The following BEND5 variants were observed in gnomAD, a reference collection of about 807,000 sequenced individuals.
The protein encoded by BEND5 is BEN domain containing 5, also known as BEN domain-containing protein 5.
In BEND5, 22 loss-of-function variants were observed where a neutral mutation model predicts 43.9. That is an observed-to-expected ratio of 0.50 (90% CI 0.36 to 0.72). The LOEUF (loss-of-function observed/expected upper bound fraction) is 0.72. BEND5 is among the 30% of genes least tolerant of loss of function. The pLI is 0.00. For missense variants in BEND5, 428 were observed against 550.6 expected, an observed-to-expected ratio of 0.78 and a Z score of 2.23; for synonymous variants, 228 against 225.9, an observed-to-expected ratio of 1.01 and a Z score of -0.08.
chr1:48,744,639 GC>G (rs1212753256), intron 3 of BEND5, among the ~76,000 whole-genome samples: 1 of 152,176 alleles, frequency 6.6e-6, no homozygotes, highest in Non-Finnish European at 1.5e-5. Flanking sequence ...ATCCAGTACA[GC>G]CGTAACTTCA....
chr1:48,755,842 G>C (rs548398103), intron 3 of BEND5, among the ~76,000 whole-genome samples: 1 of 152,154 alleles, frequency 6.6e-6, no homozygotes, highest in South Asian at 2.1e-4. Context: ...AAGTTCCTAG[G>C]CTCAGAAAGC....
chr1:48,738,843 T>C (rs557149218), intron 4 of BEND5, among the ~76,000 whole-genome samples: 3 of 152,238 alleles, frequency 2.0e-5, no homozygotes, highest in African/African-American at 7.2e-5. Context: ...GAACCAGGTA[T>C]TGTACATTCA....
intron 3 of BEND5, among the ~76,000 whole-genome samples, chr1:48,754,323 C>A (rs970027267): frequency 2.0e-5 from 3 of 152,170 alleles, no homozygotes; most frequent in Admixed American, 6.5e-5. Context: ...TGCCAACACC[C>A]GGTTTAAACA....
intron 3 of BEND5, among the ~76,000 whole-genome samples, chr1:48,748,438 A>G (rs1039084829): frequency 6.6e-6 from 1 of 152,224 alleles, no homozygotes; most frequent in African/African-American, 2.4e-5. Flanking sequence ...CAGTGGAAAG[A>G]GACAGGCAGC....
At chr1:48,747,280 G>A (rs1433386108) in intron 3 of BEND5, among the ~76,000 whole-genome samples, 2 of 152,068 alleles carry the variant, frequency 1.3e-5, no homozygotes, top group Non-Finnish European at 2.9e-5. Context: ...ATTTGCATTC[G>A]GATATTGACA....
chr1:48,753,976 A>G (rs1375022313), intron 3 of BEND5, among the ~76,000 whole-genome samples: 2 of 152,288 alleles, frequency 1.3e-5, no homozygotes, highest in Non-Finnish European at 2.9e-5. Flanking sequence ...CACTGCGTAC[A>G]TATTTGTGTT....
At position 48,745,302 on chromosome 1, in the gene BEND5, C is replaced by T. The variant is rs1446487517; in HGVS notation, c.746-2531G>A. ...GGAAGCTGTTCTGAATGTCTGTAAT[C>T]TTTCTTGGAGTCCGAGAAGTAGAAA... On this transcript the variant is annotated intron_variant, in intron 3 of 5. Transcript: ENST00000371833. Among the ~76,000 whole-genome samples the T allele has an allele frequency of 5.9e-5, 9 of 152,274 alleles. No individual in the cohort carries two copies. The East Asian group carries it at 1.4e-3, about 23-fold the overall frequency.
intron 3 of BEND5, among the ~76,000 whole-genome samples, chr1:48,743,245 T>G (rs1390330806): frequency 6.6e-6 from 1 of 152,180 alleles, no homozygotes; most frequent in African/African-American, 2.4e-5. Context: ...CCCCAAGACC[T>G]AGTATCTAGA....
At chr1:48,768,681 C>T (rs886560000) in intron 1 of BEND5, among the ~76,000 whole-genome samples, 2 of 152,150 alleles carry the variant, frequency 1.3e-5, no homozygotes, top group African/African-American at 2.4e-5. Context: ...TTAAAATAAT[C>T]CAATGTCAGA....
intron 3 of BEND5, among the ~76,000 whole-genome samples, chr1:48,746,796 G>A (rs763805185): frequency 3.9e-5 from 6 of 152,188 alleles, no homozygotes; most frequent in Non-Finnish European, 7.3e-5. Context: ...GGCTGCTGAC[G>A]TCTCTGGAAG....
At chr1:48,749,826 G>C (rs1458062888) in intron 3 of BEND5, among the ~76,000 whole-genome samples, 1 of 152,180 alleles carries the variant, frequency 6.6e-6, no homozygotes, top group Admixed American at 6.5e-5. Flanking sequence ...AAATGGCAGG[G>C]TATGTGCAGA....
intron 1 of BEND5, among the ~76,000 whole-genome samples, chr1:48,768,763 G>C (rs1644658701): frequency 6.6e-6 from 1 of 152,118 alleles, no homozygotes; most frequent in South Asian, 2.1e-4. Context: ...GCTTTGTAAA[G>C]GTCTTATAAA....
intron 3 of BEND5, among the ~76,000 whole-genome samples, chr1:48,751,287 T>C (rs1432592213): frequency 6.6e-6 from 1 of 152,082 alleles, no homozygotes; most frequent in African/African-American, 2.4e-5. Flanking sequence ...AGCTCAAGGG[T>C]CCTGCAGTCA....
intron 3 of BEND5, among the ~76,000 whole-genome samples, chr1:48,756,343 A>G (rs1643923748): frequency 6.6e-6 from 1 of 152,094 alleles, no homozygotes; most frequent in South Asian, 2.1e-4. Context: ...ACAGTCCTCT[A>G]TGGTTTTGTC....
chr1:48,743,736 C>T, intron 3 of BEND5, among the ~76,000 whole-genome samples: 1 of 152,182 alleles, frequency 6.6e-6, no homozygotes, highest in South Asian at 2.1e-4. Context: ...ATGTGGACAA[C>T]TGGGTACAAA....
At chr1:48,747,926 C>T (rs557217445) in intron 3 of BEND5, among the ~76,000 whole-genome samples, 29 of 152,122 alleles carry the variant, frequency 1.9e-4, no homozygotes, top group African/African-American at 6.7e-4. Context: ...TTTTTTCTTT[C>T]TTTCTTTTTT....
chr1:48,757,938 C>T (rs1331976463), intron 3 of BEND5, among the ~76,000 whole-genome samples: 1 of 152,146 alleles, frequency 6.6e-6, no homozygotes, highest in Non-Finnish European at 1.5e-5. Flanking sequence ...TCAATATTGA[C>T]TGGGCTCTAT....
chr1:48,742,380 C>T (rs996358786), intron 4 of BEND5, among the ~76,000 whole-genome samples: 1 of 151,276 alleles, frequency 6.6e-6, no homozygotes, highest in African/African-American at 2.4e-5. Context: ...TTTACTTTTA[C>T]AGTTGCTTTG....
Position 48,742,633 on chromosome 1 carries a change from T to C in BEND5, c.884A>G (p.Asp295Gly). Residue 295 changes from aspartate (D) to glycine (G), a missense_variant, in exon 4 of 6, where the codon GAC becomes GGC. Asp to Gly is a moderately conservative substitution (Grantham distance 94, BLOSUM62 -1). Transcript: ENST00000371833. ...PAPVMDKYIL[D>G]NGKVHLGSGI... Reference sequence around the variant, plus strand: ...AGCTTAAAACACTACCTTGCCATTGTCTAGGATATACTTGTCCATGACAGG... The same window carrying C: ...AGCTTAAAACACTACCTTGCCATTGCCTAGGATATACTTGTCCATGACAGG... 6.3e-7 allele frequency: 1 copy of C among 1,588,360 alleles called. No individual in the cohort carries two copies. Among genetic ancestry groups the C allele is most frequent in the South Asian group, 1.2e-5 (1 of 86,952 alleles).
Sources: gnomAD v4.1 joint callset for allele counts (sites outside exome capture counted in the v4.1 genomes callset) on GRCh38, gnomAD v4.1.1 for gene constraint, MANE v1.5 for transcripts, NCBI Gene and HGNC (gene_info 2026-07-23, HGNC 2026-07-21) for gene names.